The following ASIC2 variants were observed in gnomAD, a reference collection of about 807,000 sequenced individuals.
ASIC2 encodes the protein acid-sensing ion channel 2.
In ASIC2, 25 loss-of-function variants were observed where a neutral mutation model predicts 57.3. The ratio of observed to expected loss-of-function variants is 0.44; its 90% CI spans 0.32 to 0.61. The LOEUF (loss-of-function observed/expected upper bound fraction) is 0.61. Ranked by LOEUF, ASIC2 falls within the 20% of genes least tolerant of loss-of-function variation. The pLI, the probability that ASIC2 is intolerant of heterozygous loss-of-function variation, is 0.06. For synonymous variants in ASIC2, 319 were observed against 307.5 expected, an observed-to-expected ratio of 1.04 and a Z score of -0.39; for missense variants, 641 against 738.1, an observed-to-expected ratio of 0.87 and a Z score of 1.52.
intron 1 of ASIC2, among the ~76,000 whole-genome samples, chr17:33,642,183 G>T (rs886454220): frequency 7.3e-6 from 1 of 137,002 alleles, no homozygotes; most frequent in African/African-American, 2.7e-5. Context: ...ACTATAACTC[G>T]CACTCTAGGG....
chr17:33,862,311 A>G lies in ASIC2; in HGVS notation c.555+293667T>C, dbSNP rs150131729. On this transcript the variant is annotated intron_variant, in intron 1 of 9. Transcript: ENST00000359872. ...TCAGGACCAGAGAATAGACAGTTGC[A>G]TTTAGTCCTCACAAAATCATCGTAG... Among the ~76,000 whole-genome samples the G allele has an allele frequency of 2.1e-3, 326 of 152,342 alleles. 2 individuals are homozygous for G. The highest frequency in any genetic ancestry group is 7.6e-3 in the African/African-American group (316 of 41,580).
At chr17:33,613,369 CTTTTTTT>C (rs546720725) in intron 1 of ASIC2, among the ~76,000 whole-genome samples, 1 of 126,852 alleles carries the variant, frequency 7.9e-6, no homozygotes, top group African/African-American at 2.9e-5. Context: ...AATGTGTATT[CTTTTTTT>C]TTTTTTTTTT....
In ASIC2 at chr17:33,078,411, G is replaced by A. The variant is rs113989814; in HGVS notation, c.987+10452C>T. On this transcript the variant is annotated intron_variant, in intron 3 of 9. Transcript: ENST00000225823. The stretch of plus-strand genomic sequence containing the variant: ...TTTTTTAGTTCCTAGTGTTCAAAGA[G>A]TATTTAAGTTACACCATATCTGAAG... Among the ~76,000 whole-genome samples, 657 of 152,338 alleles carry A rather than the reference G, an allele frequency of 4.3e-3. 4 individuals are homozygous for A. Among genetic ancestry groups the A allele is most frequent in the Middle Eastern group, 6.8e-3 (2 of 294 alleles).
chr17:33,569,260 G>A (rs1350698275), intron 1 of ASIC2: 2 of 152,302 alleles, frequency 1.3e-5, no homozygotes, highest in East Asian at 3.9e-4. Context: ...GGGCCTGCAA[G>A]GCATGTAGAA....
intron 1 of ASIC2, among the ~76,000 whole-genome samples, chr17:33,726,929 A>C (rs954364143): frequency 2.0e-5 from 3 of 152,242 alleles, no homozygotes; most frequent in African/African-American, 7.2e-5. Flanking sequence ...TTTTGGTAGA[A>C]TAAGTAAATA....
chr17:33,682,138 C>G (rs1321627487), intron 1 of ASIC2, among the ~76,000 whole-genome samples: 1 of 150,100 alleles, frequency 6.7e-6, no homozygotes, highest in Admixed American at 6.7e-5. Flanking sequence ...TGGCTCACTG[C>G]AAGCTCCGCC....
intron 1 of ASIC2, among the ~76,000 whole-genome samples, chr17:33,628,074 G>A (rs1275352678): frequency 6.6e-6 from 1 of 152,098 alleles, no homozygotes; most frequent in African/African-American, 2.4e-5. Flanking sequence ...CTGTGTGTGG[G>A]CCTACACAGG....
At chr17:33,231,779 C>T (rs1163494564) in intron 1 of ASIC2, among the ~76,000 whole-genome samples, 1 of 152,120 alleles carries the variant, frequency 6.6e-6, no homozygotes, top group Non-Finnish European at 1.5e-5. Context: ...TCAAGTCTTG[C>T]TTCAGCATTT....
chr17:33,659,777 CAGG>C (rs1907191681), intron 1 of ASIC2, among the ~76,000 whole-genome samples: 1 of 151,888 alleles, frequency 6.6e-6, no homozygotes, highest in Non-Finnish European at 1.5e-5. Context: ...GAGGCTGAGG[CAGG>C]AGAATGGCGT....
At chr17:33,215,539 A>G (rs1264693357) in intron 1 of ASIC2, among the ~76,000 whole-genome samples, 1 of 152,250 alleles carries the variant, frequency 6.6e-6, no homozygotes, top group Non-Finnish European at 1.5e-5. Context: ...AATGATACAC[A>G]GAGAATAATC....
intron 1 of ASIC2, among the ~76,000 whole-genome samples, chr17:34,121,754 A>G (rs1378770660): frequency 6.6e-6 from 1 of 152,298 alleles, no homozygotes; most frequent in Admixed American, 6.5e-5. Context: ...ATTCCCATGC[A>G]CCCTTTGCTC....
intron 1 of ASIC2, among the ~76,000 whole-genome samples, chr17:33,803,729 C>T (rs1328628007): frequency 6.6e-6 from 1 of 151,998 alleles, no homozygotes; most frequent in African/African-American, 2.4e-5. Context: ...AGACAAGCCC[C>T]ACAAGATAAA....
intron 1 of ASIC2, among the ~76,000 whole-genome samples, chr17:33,590,811 G>T (rs1904803125): frequency 6.6e-6 from 1 of 152,188 alleles, no homozygotes; most frequent in Non-Finnish European, 1.5e-5. Context: ...GTGTCCACAG[G>T]TCTGCATGGG....
At chr17:34,041,997 T>C (rs1056170021) in intron 1 of ASIC2, among the ~76,000 whole-genome samples, 24 of 152,204 alleles carry the variant, frequency 1.6e-4, no homozygotes, top group Admixed American at 2.0e-4. Context: ...TCAACATCAT[T>C]CTCATTAGAG....
intron 1 of ASIC2, among the ~76,000 whole-genome samples, chr17:33,747,061 T>A (rs780614673): frequency 3.3e-5 from 5 of 152,086 alleles, no homozygotes; most frequent in Admixed American, 6.5e-5. Context: ...GGTAACATAA[T>A]CCCTGTTCAG....
At chr17:33,799,885 A>C (rs1055736188) in intron 1 of ASIC2, among the ~76,000 whole-genome samples, 1 of 152,190 alleles carries the variant, frequency 6.6e-6, no homozygotes, top group African/African-American at 2.4e-5. Context: ...ACTGCAGACT[A>C]TCTGGGTCCC....
At chr17:34,071,265 C>T (rs969822420) in intron 1 of ASIC2, 9 of 151,986 alleles carry the variant, frequency 5.9e-5, no homozygotes, top group African/African-American at 2.2e-4. Context: ...CTGATCTGTC[C>T]CTTGGTCAAT....
chr17:33,551,077 A>G (rs1275096549), intron 1 of ASIC2, among the ~76,000 whole-genome samples: 1 of 152,184 alleles, frequency 6.6e-6, no homozygotes, highest in Admixed American at 6.5e-5. Context: ...TCTTAAGCTC[A>G]CTGCAGAAAA....
intron 1 of ASIC2, among the ~76,000 whole-genome samples, chr17:33,905,573 A>AC (rs1915330401): frequency 6.6e-6 from 1 of 152,182 alleles, no homozygotes; most frequent in Admixed American, 6.5e-5. Context: ...ATAATATGCA[A>AC]AGTAGGGATG....
Sources: gnomAD v4.1 joint callset for allele counts (sites outside exome capture counted in the v4.1 genomes callset) on GRCh38, gnomAD v4.1.1 for gene constraint, MANE v1.5 for transcripts, NCBI Gene and HGNC (gene_info 2026-07-23, HGNC 2026-07-21) for gene names.